Variants in RCN2 observed in about 807,000 individuals in gnomAD.
RCN2 encodes reticulocalbin-2.
A neutral mutation model predicts 37.5 loss-of-function variants in RCN2; 23 were observed. That is an observed-to-expected ratio of 0.61 (90% CI 0.44 to 0.87). RCN2 has a LOEUF of 0.87. RCN2 is among the 40% of genes least tolerant of loss of function. The pLI is 0.00. For missense variants in RCN2, 381 were observed against 390.4 expected (o/e 0.98, Z 0.20); for synonymous variants, 140 against 144.6 (o/e 0.97, Z 0.23).
chr15:76,936,754 A>G (rs1046174581), intron 3 of RCN2, among the ~76,000 whole-genome samples: 3 of 152,198 alleles, frequency 2.0e-5, no homozygotes, highest in Admixed American at 6.5e-5. Context: ...TTTGATAGGG[A>G]GGTCTTGGAA....
chr15:76,945,165 G>C (rs1448616307), intron 4 of RCN2, among the ~76,000 whole-genome samples: 1 of 152,222 alleles, frequency 6.6e-6, no homozygotes. Flanking sequence ...GAAGGTGAAA[G>C]ACTGAATTTT....
rs889257567 is a variant in RCN2, at chr15:76,951,642, T to A, written c.*2420T>A. ...TCTACTGCTGAGTCAAAATAGAAAA[T>A]TTTAAGGCTTTTTTTAGATTTGAAT... is the stretch of plus-strand genomic sequence containing the variant. On this transcript the variant is annotated 3_prime_UTR_variant, in exon 7 of 7. Transcript: ENST00000394885. 6.6e-6 allele frequency: 1 copy of A among 152,166 alleles called. No homozygotes were observed. Among genetic ancestry groups the A allele is most frequent in the Non-Finnish European group, 1.5e-5 (1 of 68,032 alleles). 9.4% of individuals were successfully genotyped at this position (152,166 alleles called of 1,614,324 possible).
chr15:76,933,044 C>T (rs1427423302), intron 2 of RCN2, among the ~76,000 whole-genome samples: 1 of 152,032 alleles, frequency 6.6e-6, no homozygotes, highest in Admixed American at 6.5e-5. Flanking sequence ...TCCAGGTATC[C>T]TGCTCTTAAT....
At chr15:76,948,653 A>G in intron 6 of RCN2, 101 bp downstream of exon 6, 1 of 1,212,126 alleles carries the variant, frequency 8.2e-7, no homozygotes, top group Non-Finnish European at 1.1e-6. Context: ...AGAAAGAAGT[A>G]ATGGAGTTAT....
At chr15:76,933,875 G>A (rs1422864985) in intron 2 of RCN2, among the ~76,000 whole-genome samples, 1 of 152,176 alleles carries the variant, frequency 6.6e-6, no homozygotes, top group Non-Finnish European at 1.5e-5. Context: ...TTAAGAGGTA[G>A]CAAAACTCAG....
In RCN2 at chr15:76,954,127, C is replaced by G. The variant is rs8042455; in HGVS notation, c.*4905C>G. ...CGTTGTGGCTTTGATTTGCATTTCC[C>G]TAATGGTCTGTCTCTACAGTTTTGC... On this transcript the variant is annotated 3_prime_UTR_variant, in exon 7 of 7. Coordinates refer to ENST00000394885, the MANE Select transcript of RCN2 (RefSeq NM_002902.3). 7.3e-5 allele frequency: 11 copies of G among 150,524 alleles called. No individual in the cohort carries two copies. Among genetic ancestry groups the G allele is most frequent in the African/African-American group, 2.4e-4 (10 of 40,820 alleles). The allele number at this position is 150,524 out of a possible 1,614,324, so 9.3% of individuals were successfully genotyped here. A position where few individuals can be genotyped will look rare whatever the true frequency, so the allele number is the denominator to read the frequency against.
At chr15:76,938,292 T>G (rs2152650157) in intron 3 of RCN2, among the ~76,000 whole-genome samples, 1 of 152,356 alleles carries the variant, frequency 6.6e-6, no homozygotes, top group South Asian at 2.1e-4. Flanking sequence ...TTACTCCTCA[T>G]TTAAATTGTA....
intron 4 of RCN2, among the ~76,000 whole-genome samples, chr15:76,944,233 G>C (rs12909665): frequency 0.37 from 56,587 of 151,532 alleles, 12,410 homozygotes; most frequent in Middle Eastern, 0.53. Flanking sequence ...CGCCCGCCTC[G>C]GCTTGCCAAA....
Position 76,950,263 on chromosome 15 carries a change from A to G in RCN2, c.*1041A>G, listed in dbSNP as rs1018086425. On this transcript the variant is annotated 3_prime_UTR_variant, in exon 7 of 7. Coordinates refer to ENST00000394885, the MANE Select transcript of RCN2 (RefSeq NM_002902.3). Reference sequence around the variant, plus strand: ...ATTAAAATCATACTTGATAAGCATGATAATCAATTTTAACCTAATTCAGCA... The same window carrying G: ...ATTAAAATCATACTTGATAAGCATGGTAATCAATTTTAACCTAATTCAGCA... 1.6e-4 allele frequency: 24 copies of G among 151,590 alleles called. No homozygotes were observed. Among genetic ancestry groups the G allele is most frequent in the African/African-American group, 5.8e-4 (24 of 41,366 alleles). The allele number at this position is 151,590 out of a possible 1,614,324, so 9.4% of individuals were successfully genotyped here. A position where few individuals can be genotyped will look rare whatever the true frequency, so the allele number is the denominator to read the frequency against.
At chr15:76,941,156 C>T (rs1246695583) in intron 3 of RCN2, among the ~76,000 whole-genome samples, 2 of 152,118 alleles carry the variant, frequency 1.3e-5, no homozygotes, top group Non-Finnish European at 2.9e-5. Flanking sequence ...GCCTCAGCCT[C>T]CCAAGTAGCT....
chr15:76,941,583 A>AC, intron 3 of RCN2: 1 of 1,027,316 alleles, frequency 9.7e-7, no homozygotes, highest in Non-Finnish European at 1.4e-6. Flanking sequence ...TACAAGAAAA[A>AC]AAAAGAGTGT....
intron 2 of RCN2, among the ~76,000 whole-genome samples, chr15:76,934,115 G>A (rs915243014): frequency 6.6e-6 from 1 of 151,792 alleles, no homozygotes. Context: ...TTCCTTTAAC[G>A]TAGTTTAGTA....
intron 1 of RCN2, 41 bp downstream of exon 1, chr15:76,932,026 A>G: frequency 8.1e-7 from 1 of 1,233,654 alleles, no homozygotes; most frequent in Admixed American, 4.4e-5. Flanking sequence ...CGGGCCTCGC[A>G]CCGCGGCTGC....
intron 4 of RCN2, among the ~76,000 whole-genome samples, chr15:76,946,632 G>C (rs934259212): frequency 2.0e-5 from 3 of 152,104 alleles, no homozygotes; most frequent in African/African-American, 7.2e-5. Context: ...TACGCCTGTA[G>C]TCCCAGCTGC....
chr15:76,935,929 T>C (rs192140038), intron 3 of RCN2, among the ~76,000 whole-genome samples: 13 of 152,366 alleles, frequency 8.5e-5, no homozygotes, highest in Admixed American at 8.5e-4. Flanking sequence ...ATGATCCTTC[T>C]ATCTGTTTTT....
intron 3 of RCN2, chr15:76,943,522 T>A: frequency 2.8e-6 from 1 of 361,790 alleles, no homozygotes; most frequent in Non-Finnish European, 5.0e-6. Flanking sequence ...CAGTTTGCGC[T>A]GACACCACAG....
At position 76,932,351 on chromosome 15, in the gene RCN2, C is replaced by T; in HGVS notation, c.145-10C>T. The T allele has an allele frequency of 1.9e-6, 3 of 1,604,040 alleles. No homozygotes were observed. Among genetic ancestry groups the T allele is most frequent in the Non-Finnish European group, 2.6e-6 (3 of 1,171,234 alleles). ...TGCTTGGCCCTCCTGTGTGTCGCTT[C>T]CCCCTAAAGGAAGATGTGGATGAAT... On this transcript the variant is annotated splice_polypyrimidine_tract_variant and intron_variant, in intron 1 of 6. Transcript: ENST00000394885.
At position 76,953,562 on chromosome 15, in the gene RCN2, TATA is replaced by T. The variant is rs1161587729; in HGVS notation, c.*4341_*4343del. 1 of 13,842 alleles carries T rather than the reference TATA, an allele frequency of 7.2e-5. No homozygotes were observed. Among genetic ancestry groups the T allele is most frequent in the African/African-American group, 3.4e-4 (1 of 2,942 alleles). The allele number at this position is 13,842 out of a possible 1,614,324, so 0.9% of individuals were successfully genotyped here. On this transcript the variant is annotated 3_prime_UTR_variant, in exon 7 of 7. Coordinates refer to ENST00000394885, the MANE Select transcript of RCN2 (RefSeq NM_002902.3). ...CTGGATCATATAGTAATTCTATATA[TATA>T]TATATATATATATATATATATATAT...
chr15:76,932,479 C>G lies in RCN2; in HGVS notation c.250+13C>G. 6.6e-7 allele frequency: 1 copy of G among 1,516,502 alleles called. No homozygotes were observed. The highest frequency in any genetic ancestry group is 9.2e-7 in the Non-Finnish European group (1 of 1,091,938). 93.9% of individuals were successfully genotyped at this position (1,516,502 alleles called of 1,614,324 possible). ...TTTCTCACTGAAAGTAAGGACTGCC[C>G]TACACGACTAACAATGGAGACAAAC... On this transcript the variant is annotated intron_variant, in intron 2 of 6. Coordinates refer to ENST00000394885, the MANE Select transcript of RCN2 (RefSeq NM_002902.3).
Sources: allele counts gnomAD v4.1 joint callset (sites outside exome capture counted in the v4.1 genomes callset), GRCh38; gene constraint gnomAD v4.1.1; transcripts MANE v1.5; gene names NCBI Gene and HGNC (gene_info 2026-07-23, HGNC 2026-07-21).